The following ESR1 variants were observed in gnomAD, a reference collection of about 807,000 sequenced individuals.
ESR1 encodes estrogen receptor.
ESR1 carries 12 observed loss-of-function variants against 52.7 expected under a neutral mutation model. The ratio of observed to expected loss-of-function variants is 0.23; its 90% CI spans 0.15 to 0.37. The LOEUF is 0.37. Ranked by LOEUF, ESR1 falls within the 10% of genes least tolerant of loss-of-function variation. The pLI, the probability that ESR1 is intolerant of heterozygous loss-of-function variation, is 1.00. For missense variants in ESR1, 584 were observed against 779.7 expected (o/e 0.75, Z 2.99); for synonymous variants, 305 against 316.8 (o/e 0.96, Z 0.39).
At chr6:151,810,637 C>T (rs994631387) in intron 1 of ESR1, among the ~76,000 whole-genome samples, 82 of 152,144 alleles carry the variant, frequency 5.4e-4, no homozygotes, top group African/African-American at 1.8e-3. Context: ...TTTAGTGAGT[C>T]TAGAATATTT....
At chr6:151,781,243 T>G (rs1239083131) in intron 2 of ESR1, among the ~76,000 whole-genome samples, 1 of 152,244 alleles carries the variant, frequency 6.6e-6, no homozygotes, top group African/African-American at 2.4e-5. Context: ...AGAAATTTAT[T>G]GGCTCACGAT....
chr6:151,736,632 G>T (rs1308213267), intron 2 of ESR1, among the ~76,000 whole-genome samples: 3 of 151,994 alleles, frequency 2.0e-5, no homozygotes, highest in Non-Finnish European at 2.9e-5. Context: ...ACCCACCTTG[G>T]CCTCCTAAAG....
intron 3 of ESR1, among the ~76,000 whole-genome samples, chr6:151,937,543 AG>A (rs761799595): frequency 6.6e-6 from 1 of 152,298 alleles, no homozygotes; most frequent in East Asian, 1.9e-4. Context: ...GACAGCAAGG[AG>A]GGAACTATAG....
chr6:151,776,575 C>T (rs1277888943), intron 2 of ESR1, among the ~76,000 whole-genome samples: 2 of 152,174 alleles, frequency 1.3e-5, no homozygotes, highest in Admixed American at 1.3e-4. Flanking sequence ...GGGTGGCTCA[C>T]GCCTGTAATC....
chr6:152,074,831 G>A (rs1469105180), intron 6 of ESR1, among the ~76,000 whole-genome samples: 3 of 152,010 alleles, frequency 2.0e-5, no homozygotes, highest in East Asian at 1.9e-4. Context: ...CGCATTTTTT[G>A]GATAATATCA....
intron 2 of ESR1, among the ~76,000 whole-genome samples, chr6:151,790,335 T>C (rs58286232): frequency 0.012 from 1,877 of 152,286 alleles, 34 homozygotes; most frequent in African/African-American, 0.041. Context: ...AGTTCTCTTA[T>C]CCTTAAGATT....
intron 2 of ESR1, among the ~76,000 whole-genome samples, chr6:151,771,252 C>T (rs1024967002): frequency 3.3e-5 from 5 of 152,138 alleles, no homozygotes. Flanking sequence ...GTATCCATGC[C>T]TATTGTTGTC....
upstream of ESR1, among the ~76,000 whole-genome samples, chr6:151,802,071 A>G (rs533516774): frequency 6.6e-6 from 1 of 152,356 alleles, no homozygotes; most frequent in Non-Finnish European, 1.5e-5. Flanking sequence ...TTTCATTGGG[A>G]TGATTGTTAC....
intron 2 of ESR1, among the ~76,000 whole-genome samples, chr6:151,857,659 G>C (rs1788106369): frequency 6.6e-6 from 1 of 152,048 alleles, no homozygotes; most frequent in Admixed American, 6.5e-5. Context: ...CTCCCTAGTA[G>C]CTGGGATTAC....
chr6:152,034,574 G>A (rs1197929208), intron 5 of ESR1, among the ~76,000 whole-genome samples: 1 of 151,706 alleles, frequency 6.6e-6, no homozygotes. Context: ...TTAATTTCTC[G>A]TATTTTTTTT....
At chr6:151,949,732 A>C (rs2036118627) in intron 4 of ESR1, among the ~76,000 whole-genome samples, 1 of 152,254 alleles carries the variant, frequency 6.6e-6, no homozygotes, top group African/African-American at 2.4e-5. Context: ...GCTCTGGTGA[A>C]ACGCAAGGAA....
chr6:151,789,633 A>T (rs942767793), intron 2 of ESR1, among the ~76,000 whole-genome samples: 2 of 152,200 alleles, frequency 1.3e-5, no homozygotes, highest in Admixed American at 6.5e-5. Flanking sequence ...GTTTCCCTGG[A>T]GGAAACGTAA....
chr6:151,868,033 T>TG lies in ESR1; in HGVS notation c.644-12620dup, dbSNP rs566808530. Reference sequence around the variant, plus strand: ...AGGTATATTGAGTGATGCTGAGGTCTGGCATATGGATGAATCTGTCACTCA... The same window carrying TG: ...AGGTATATTGAGTGATGCTGAGGTCTGGGCATATGGATGAATCTGTCACTCA... On this transcript the variant is annotated intron_variant, in intron 2 of 7. Coordinates refer to ENST00000206249, the MANE Select transcript of ESR1 (RefSeq NM_000125.4). Among the ~76,000 whole-genome samples, 6 of 152,344 alleles carry TG rather than the reference T, an allele frequency of 3.9e-5. No homozygotes were observed. In the South Asian group the frequency reaches 1.2e-3, roughly 32 times the overall value.
At chr6:151,696,586 G>T (rs1207348045) in intron 1 of ESR1, among the ~76,000 whole-genome samples, 1 of 151,780 alleles carries the variant, frequency 6.6e-6, no homozygotes. Flanking sequence ...GAAGTGCCTG[G>T]TACACACTGG....
chr6:152,056,554 T>C (rs547712098), intron 5 of ESR1, among the ~76,000 whole-genome samples: 1 of 152,336 alleles, frequency 6.6e-6, no homozygotes, highest in East Asian at 1.9e-4. Flanking sequence ...AAGAGATGCC[T>C]TAGGGCTTCT....
At chr6:151,843,255 C>T (rs1342250030) in intron 2 of ESR1, among the ~76,000 whole-genome samples, 1 of 152,168 alleles carries the variant, frequency 6.6e-6, no homozygotes, top group Non-Finnish European at 1.5e-5. Context: ...TTGTTCTCCC[C>T]TTTCTCTCTT....
intron 1 of ESR1, among the ~76,000 whole-genome samples, chr6:151,822,669 GCT>G (rs1780756343): frequency 1.3e-5 from 2 of 152,188 alleles, no homozygotes; most frequent in African/African-American, 4.8e-5. Context: ...AGAAATGAAA[GCT>G]GCACGCCTCA....
intron 6 of ESR1, among the ~76,000 whole-genome samples, chr6:152,118,804 A>G (rs1164287469): frequency 6.6e-6 from 1 of 151,320 alleles, no homozygotes; most frequent in Non-Finnish European, 1.5e-5. Context: ...AAAACAAACA[A>G]ACACAAGAAC....
At chr6:152,036,424 A>G (rs943734467) in intron 5 of ESR1, among the ~76,000 whole-genome samples, 1 of 152,210 alleles carries the variant, frequency 6.6e-6, no homozygotes, top group African/African-American at 2.4e-5. Context: ...AAAAATGGTT[A>G]CTTATTTTTA....
Sources: gnomAD v4.1 joint callset for allele counts (sites outside exome capture counted in the v4.1 genomes callset) on GRCh38, gnomAD v4.1.1 for gene constraint, MANE v1.5 for transcripts, NCBI Gene and HGNC (gene_info 2026-07-23, HGNC 2026-07-21) for gene names.